Variants in GON4L observed in about 807,000 individuals in gnomAD.
The protein encoded by GON4L is gon-4 like.
Under a neutral mutation model 211.8 loss-of-function variants are expected in GON4L, and 87 were observed. The ratio of observed to expected loss-of-function variants is 0.41; its 90% CI spans 0.35 to 0.49. The LOEUF (loss-of-function observed/expected upper bound fraction) is 0.49. GON4L is among the 20% of genes least tolerant of loss of function. The pLI, the probability that GON4L is intolerant of heterozygous loss-of-function variation, is 0.15. For missense variants in GON4L, 2,155 were observed against 2,659.5 expected, an observed-to-expected ratio of 0.81 and a Z score of 4.17; for synonymous variants, 875 against 962.6, an observed-to-expected ratio of 0.91 and a Z score of 1.68.
intron 2 of GON4L, among the ~76,000 whole-genome samples, chr1:155,830,114 C>T (rs1669614751): frequency 6.6e-6 from 1 of 151,896 alleles, no homozygotes; most frequent in Non-Finnish European, 1.5e-5. Context: ...CCACGCCCAG[C>T]TAATTTTTTA....
At chr1:155,852,162 C>CAAAAA (rs150456648) in intron 2 of GON4L, among the ~76,000 whole-genome samples, 1 of 77,866 alleles carries the variant, frequency 1.3e-5, no homozygotes. Context: ...GAGACTGTCA[C>CAAAAA]AAAAAAAAAA....
intron 2 of GON4L, among the ~76,000 whole-genome samples, chr1:155,840,598 T>C (rs971571935): frequency 1.7e-4 from 26 of 152,182 alleles, no homozygotes; most frequent in African/African-American, 6.3e-4. Context: ...TATTAACTAA[T>C]CAATGTGCTT....
intron 21 of GON4L, chr1:155,764,297 T>C (rs1662179881): frequency 6.4e-6 from 1 of 155,094 alleles, no homozygotes; most frequent in Admixed American, 6.4e-5. Context: ...TTTGTATTTT[T>C]AGTAGGGATG....
At chr1:155,758,501 G>A (rs771580144) in intron 24 of GON4L, among the ~76,000 whole-genome samples, 5 of 152,172 alleles carry the variant, frequency 3.3e-5, no homozygotes, top group Non-Finnish European at 7.3e-5. Context: ...GGCAGGGGCC[G>A]TGGTGTACAC....
intron 14 of GON4L, among the ~76,000 whole-genome samples, chr1:155,781,842 C>T (rs1419561442): frequency 6.7e-6 from 1 of 149,768 alleles, no homozygotes; most frequent in African/African-American, 2.5e-5. Context: ...GTGCAACCTC[C>T]GCCTCCAGGG....
At chr1:155,777,514 G>A (rs1337410892) in intron 15 of GON4L, 108 bp downstream of exon 15, 2 of 854,618 alleles carry the variant, frequency 2.3e-6, no homozygotes, top group African/African-American at 3.3e-5. Context: ...AGAAAGCAGA[G>A]GTTGAAGTGA....
intron 2 of GON4L, among the ~76,000 whole-genome samples, chr1:155,834,463 CTAAACTTCAATCTCAGATTTCTATTT>C (rs1250778060): frequency 6.6e-6 from 1 of 152,154 alleles, no homozygotes; most frequent in Admixed American, 6.5e-5. Flanking sequence ...TTGCCTCTTA[CTAAACTTCAATCTCAGATTTCTATTT>C]TTGCTTGCTG....
rs777457396 is a variant in GON4L, at chr1:155,853,500, C to A, written c.281G>T (p.Gly94Val). 3.7e-6 allele frequency: 6 copies of A among 1,614,154 alleles called. No individual in the cohort carries two copies. Among genetic ancestry groups the A allele is most frequent in the South Asian group, 3.3e-5 (3 of 91,084 alleles). Reference protein sequence around the residue: ...TQNTNVPILEGVDVAISQGIT... With the variant: ...TQNTNVPILEVVDVAISQGIT... Reference sequence around the variant, plus strand: ...TCCCTGAGAGATGGCCACATCAACACCTTCTAGAATTGGTACATTTGTGTT... The same window carrying A: ...TCCCTGAGAGATGGCCACATCAACAACTTCTAGAATTGGTACATTTGTGTT... Residue 94 changes from glycine (G) to valine (V), a missense_variant, in exon 2 of 32, where the codon GGT becomes GTT. By Grantham distance (109) the Gly-to-Val change is moderately radical. This residue lies in a region of GON4L where 313 missense variants were observed against 293.2 expected (regional missense o/e 1.07). Transcript: ENST00000368331.
chr1:155,770,952 T>A (rs554203553), intron 19 of GON4L, 115 bp downstream of exon 19: 1 of 1,409,480 alleles, frequency 7.1e-7, no homozygotes, highest in East Asian at 2.3e-5. Context: ...TAGTGTAAAG[T>A]GGGAGAAATT....
chr1:155,832,279 CAAAAAAA>C (rs71080731), intron 2 of GON4L, among the ~76,000 whole-genome samples: 22 of 57,358 alleles, frequency 3.8e-4, no homozygotes, highest in Admixed American at 7.9e-4. Flanking sequence ...GACTCCGTCT[CAAAAAAA>C]AAAAAAAAAA....
At position 155,770,990 on chromosome 1, in the gene GON4L, T is replaced by C. The variant is rs572611162; in HGVS notation, c.2646+77A>G. ...CTTTAGATAAAAGAAGGTTCCTCTT[T>C]TCTTTGAGAATAACAAGATAAAAGA... On this transcript the variant is annotated intron_variant, in intron 19 of 31. Transcript: ENST00000368331. 4.4e-6 allele frequency: 7 copies of C among 1,600,200 alleles called. No homozygotes were observed. The South Asian group carries it at 7.7e-5, about 18-fold the overall frequency.
intron 25 of GON4L, 137 bp from the exon 26 acceptor site, chr1:155,757,460 G>A: frequency 1.3e-6 from 1 of 757,412 alleles, no homozygotes; most frequent in Non-Finnish European, 2.1e-6. Context: ...TGGTAACAAA[G>A]AATACTAAAA....
intron 2 of GON4L, among the ~76,000 whole-genome samples, chr1:155,840,714 T>A (rs1340952983): frequency 2.0e-5 from 3 of 152,152 alleles, no homozygotes; most frequent in Non-Finnish European, 4.4e-5. Flanking sequence ...AGCCTTGTCT[T>A]TAGACCTGGG....
rs199846506 is a variant in GON4L, at chr1:155,793,596, G to C, written c.1747+1454C>G. On this transcript the variant is annotated intron_variant, in intron 12 of 31. Transcript: ENST00000368331. ...GATGAAATGTATGTTTTCTATGCTT[G>C]ACACACTAGCCAATGATATAATTTT... Among the ~76,000 whole-genome samples, 8 of 152,132 alleles carry C rather than the reference G, an allele frequency of 5.3e-5. No homozygotes were observed. In the East Asian group the frequency reaches 1.2e-3, roughly 22 times the overall value.
chr1:155,849,711 T>G (rs967184318), intron 2 of GON4L, among the ~76,000 whole-genome samples: 4 of 143,946 alleles, frequency 2.8e-5, no homozygotes, highest in African/African-American at 1.0e-4. Context: ...GAGGCGGAGG[T>G]TGCAGTGAGT....
At chr1:155,748,033 G>C, downstream of GON4L, 3 of 1,608,202 alleles carry the variant, frequency 1.9e-6, no homozygotes, top group South Asian at 2.2e-5. Flanking sequence ...TCGTGCACCT[G>C]ACTGCTCACA....
intron 11 of GON4L, among the ~76,000 whole-genome samples, chr1:155,804,382 A>G (rs898594758): frequency 6.6e-6 from 1 of 152,088 alleles, no homozygotes; most frequent in Admixed American, 6.6e-5. Context: ...CAGTGTCTCA[A>G]AAACAAAAGA....
chr1:155,836,195 T>G (rs1670276937), intron 2 of GON4L, among the ~76,000 whole-genome samples: 1 of 151,172 alleles, frequency 6.6e-6, no homozygotes, highest in South Asian at 2.1e-4. Context: ...CCATTTGGCC[T>G]CCACGAAAAG....
rs869034483 is a variant in GON4L at position 155,784,358 on chromosome 1, C to CTTTTTTTTTTT, written c.1789-280_1789-270dup. On this transcript the variant is annotated intron_variant, in intron 13 of 31. Transcript: ENST00000368331. ...ACTCAAAATTATCAATCTCTCTCTCCTTTTTTTTTTTTTTTTTTTTTTTTT... is the reference window on the plus strand; with the variant it reads ...ACTCAAAATTATCAATCTCTCTCTCCTTTTTTTTTTTTTTTTTTTTTTTTTTTTTTTTTTTT... 2.0e-4 allele frequency: 21 copies of CTTTTTTTTTTT among 104,126 alleles called. 4 individuals are homozygous for CTTTTTTTTTTT. Among genetic ancestry groups the CTTTTTTTTTTT allele is most frequent in the East Asian group, 1.5e-3 (5 of 3,264 alleles). 6.5% of individuals were successfully genotyped at this position (104,126 alleles called of 1,614,324 possible). A position where few individuals can be genotyped will look rare whatever the true frequency, so the allele number is the denominator to read the frequency against.
Sources: allele counts gnomAD v4.1 joint callset (sites outside exome capture counted in the v4.1 genomes callset), GRCh38; gene constraint gnomAD v4.1.1; regional missense constraint gnomAD v4.1.1; transcripts MANE v1.5; gene names NCBI Gene and HGNC (gene_info 2026-07-23, HGNC 2026-07-21).